The following ATXN1 variants were observed in gnomAD, a reference collection of about 807,000 sequenced individuals.
ATXN1 encodes ataxin 1, also known as ataxin-1.
In ATXN1, 8 loss-of-function variants were observed where a neutral mutation model predicts 56.4. The observed-to-expected ratio is 0.14, with a 90% CI of 0.08 to 0.26. The LOEUF (loss-of-function observed/expected upper bound fraction) is 0.26, where lower values mean the gene tolerates loss of function less well. ATXN1 is among the 10% of genes least tolerant of loss of function. The pLI is 1.00. For missense variants in ATXN1, 987 were observed against 1,106.5 expected (o/e 0.89, Z 1.53); for synonymous variants, 514 against 494.6 (o/e 1.04, Z -0.52).
chr6:16,613,271 CAAAAAA>C (rs765813165), intron 3 of ATXN1, among the ~76,000 whole-genome samples: 4 of 52,508 alleles, frequency 7.6e-5, no homozygotes, highest in Admixed American at 4.4e-4. Flanking sequence ...GACTCCGTCT[CAAAAAA>C]AAAAAAAAAA....
At chr6:16,403,260 C>T (rs555228979) in intron 6 of ATXN1, among the ~76,000 whole-genome samples, 4 of 152,268 alleles carry the variant, frequency 2.6e-5, no homozygotes, top group African/African-American at 7.2e-5. Context: ...CACAAACACA[C>T]GGGCAAGAGG....
chr6:16,716,503 G>C (rs1759644013), intron 2 of ATXN1, among the ~76,000 whole-genome samples: 2 of 152,196 alleles, frequency 1.3e-5, no homozygotes. Context: ...CTTTGGTCAA[G>C]TCACATTCCC....
intron 6 of ATXN1, among the ~76,000 whole-genome samples, chr6:16,441,962 G>A (rs975885217): frequency 2.2e-4 from 33 of 152,096 alleles, no homozygotes; most frequent in African/African-American, 7.7e-4. Flanking sequence ...GCTTAAAATC[G>A]TGACTGAAGC....
chr6:16,446,787 T>C (rs1406215796), intron 6 of ATXN1, among the ~76,000 whole-genome samples: 2 of 152,190 alleles, frequency 1.3e-5, no homozygotes, highest in Non-Finnish European at 2.9e-5. Flanking sequence ...AAAATTTTTA[T>C]TATGGGAGAA....
chr6:16,682,765 T>C (rs1758840520), intron 2 of ATXN1, among the ~76,000 whole-genome samples: 1 of 152,168 alleles, frequency 6.6e-6, no homozygotes. Flanking sequence ...GAGATCCAGG[T>C]CTCCACATTT....
At chr6:16,545,945 C>T (rs1014396833) in intron 4 of ATXN1, among the ~76,000 whole-genome samples, 6 of 152,112 alleles carry the variant, frequency 3.9e-5, no homozygotes, top group Admixed American at 2.6e-4. Flanking sequence ...GCACAGCTAT[C>T]GTATTAGCTG....
At chr6:16,474,001 G>C (rs1760274167) in intron 6 of ATXN1, among the ~76,000 whole-genome samples, 1 of 152,088 alleles carries the variant, frequency 6.6e-6, no homozygotes, top group South Asian at 2.1e-4. Context: ...CTCTTTCAAT[G>C]ACCACTCCCC....
intron 6 of ATXN1, among the ~76,000 whole-genome samples, chr6:16,420,856 G>C (rs1032437356): frequency 8.6e-5 from 13 of 151,982 alleles, no homozygotes; most frequent in African/African-American, 2.9e-4. Flanking sequence ...TCTCTCTCTC[G>C]TGTGTATTTT....
chr6:16,471,602 T>C (rs985186054), intron 6 of ATXN1, among the ~76,000 whole-genome samples: 2 of 152,130 alleles, frequency 1.3e-5, no homozygotes, highest in African/African-American at 2.4e-5. Flanking sequence ...AAAGCAGCCA[T>C]GTGCCCTGGA....
intron 4 of ATXN1, among the ~76,000 whole-genome samples, chr6:16,582,515 G>A (rs1207386181): frequency 6.6e-6 from 1 of 152,108 alleles, no homozygotes; most frequent in Non-Finnish European, 1.5e-5. Flanking sequence ...AAAATCCTAA[G>A]ACACCCCAAA....
chr6:16,336,943 A>C (rs143370264), intron 6 of ATXN1, among the ~76,000 whole-genome samples: 444 of 152,332 alleles, frequency 2.9e-3, no homozygotes, highest in African/African-American at 5.3e-3. Flanking sequence ...TGATTAAAAA[A>C]TTTAAATCCA....
intron 2 of ATXN1, among the ~76,000 whole-genome samples, chr6:16,708,972 G>A (rs1007446298): frequency 1.3e-5 from 2 of 150,826 alleles, no homozygotes; most frequent in Non-Finnish European, 2.9e-5. Context: ...TTTGCAGTGA[G>A]CCAAGATTGT....
At chr6:16,465,232 G>A (rs1487681403) in intron 6 of ATXN1, among the ~76,000 whole-genome samples, 1 of 152,210 alleles carries the variant, frequency 6.6e-6, no homozygotes, top group Non-Finnish European at 1.5e-5. Context: ...GGAGGCCAAG[G>A]CAGGTTGATC....
rs755680033 is a variant in ATXN1, at chr6:16,327,828, C to T, written c.483G>A (p.Ser161=). 93 of 1,608,638 alleles carry T rather than the reference C, an allele frequency of 5.8e-5. No individual in the cohort carries two copies. Among genetic ancestry groups the T allele is most frequent in the Admixed American group, 2.8e-4 (17 of 59,996 alleles). Residue 161 remains serine (S), a synonymous_variant, in exon 7 of 8, where the codon TCG becomes TCA. Coordinates refer to ENST00000436367, the MANE Select transcript of ATXN1 (RefSeq NM_001128164.2). ...TANPVTSAVA[S]AAGATTPSQR... The stretch of plus-strand genomic sequence containing the variant: ...GGGATGGAGTGGTGGCCCCTGCGGC[C>T]GAGGCCACTGCACTGGTGACGGGGT...
At chr6:16,736,979 G>A (rs1760157286) in intron 2 of ATXN1, 2 of 152,148 alleles carry the variant, frequency 1.3e-5, no homozygotes. Context: ...AAGAATGTAT[G>A]CACAAAACAC....
chr6:16,418,658 T>A (rs1240680335), intron 6 of ATXN1, among the ~76,000 whole-genome samples: 1 of 150,374 alleles, frequency 6.7e-6, no homozygotes, highest in African/African-American at 2.4e-5. Flanking sequence ...GCTGCACCCA[T>A]TAACTCGTCA....
In ATXN1 at chr6:16,506,845, T is replaced by C. The variant is rs565084781; in HGVS notation, c.-299+15782A>G. On this transcript the variant is annotated intron_variant, in intron 5 of 7. Coordinates refer to ENST00000436367, the MANE Select transcript of ATXN1 (RefSeq NM_001128164.2). The surrounding 1 kb of genome is among the most constrained non-coding windows in gnomAD (Gnocchi z 4.1). The stretch of plus-strand genomic sequence containing the variant: ...CCTAAGGGAGTAAAGGGCATGCCAA[T>C]GATTATTGATAACATCATTCAACGC... Among the ~76,000 whole-genome samples the C allele has an allele frequency of 6.6e-6, 1 of 152,282 alleles. No homozygotes were observed. The highest frequency in any genetic ancestry group is 1.9e-4 in the East Asian group (1 of 5,192).
At chr6:16,719,855 C>T (rs891602841) in intron 2 of ATXN1, among the ~76,000 whole-genome samples, 3 of 152,154 alleles carry the variant, frequency 2.0e-5, no homozygotes, top group African/African-American at 4.8e-5. Context: ...AGGATGACAG[C>T]GGCAAGGAAA....
chr6:16,473,211 C>G (rs7450287), intron 6 of ATXN1, among the ~76,000 whole-genome samples: 121,022 of 152,110 alleles, frequency 0.8, 48,445 homozygotes, highest in East Asian at 1. Flanking sequence ...ATAAAAGATA[C>G]CACTTCCAAC....
Sources: gnomAD v4.1 joint callset for allele counts (sites outside exome capture counted in the v4.1 genomes callset) on GRCh38, gnomAD v4.1.1 for gene constraint, Gnocchi (gnomAD v3.1) non-coding constraint, MANE v1.5 for transcripts, NCBI Gene and HGNC (gene_info 2026-07-23, HGNC 2026-07-21) for gene names.